Variants in CLDN10 observed in about 807,000 individuals in gnomAD.
CLDN10 encodes claudin 10, also known as claudin-10.
Under a neutral mutation model 22.9 loss-of-function variants are expected in CLDN10, and 15 were observed. The ratio of observed to expected loss-of-function variants is 0.65; its 90% CI spans 0.44 to 1.01. CLDN10 has a LOEUF of 1.01. CLDN10 is among the 50% of genes least tolerant of loss of function. The probability of loss-of-function intolerance (pLI) is 0.00; values close to 1 mark genes in which losing one functional copy is unlikely to be tolerated. For missense variants in CLDN10, 247 were observed against 287.8 expected, an observed-to-expected ratio of 0.86 and a Z score of 1.03; for synonymous variants, 114 against 111.4, an observed-to-expected ratio of 1.02 and a Z score of -0.15.
chr13:95,578,038 CTT>C lies in CLDN10; in HGVS notation c.*25_*26del. The C allele has an allele frequency of 7.1e-7, 1 of 1,406,666 alleles. No homozygotes were observed. The highest frequency in any genetic ancestry group is 1.0e-6 in the Non-Finnish European group (1 of 997,166). 87.1% of individuals were successfully genotyped at this position (1,406,666 alleles called of 1,614,324 possible). A position where few individuals can be genotyped will look rare whatever the true frequency, so the allele number is the denominator to read the frequency against. ...AAAAGAGCTCGCTGGCAAGCTGCCTCTTGAGTTTGTTATAAAAGCGAACTGTT... is the reference window on the plus strand; with the variant it reads ...AAAAGAGCTCGCTGGCAAGCTGCCTCGAGTTTGTTATAAAAGCGAACTGTT... On this transcript the variant is annotated 3_prime_UTR_variant, in exon 5 of 5. Transcript: ENST00000299339.
At chr13:95,471,944 T>A (rs866846776) in intron 1 of CLDN10, among the ~76,000 whole-genome samples, 3,261 of 90,898 alleles carry the variant, frequency 0.036, 56 homozygotes, top group Middle Eastern at 0.047. Flanking sequence ...CTCAGCTATT[T>A]TTTTTTTTTT....
chr13:95,464,340 G>C (rs2042564498), intron 1 of CLDN10, among the ~76,000 whole-genome samples: 1 of 152,066 alleles, frequency 6.6e-6, no homozygotes, highest in Non-Finnish European at 1.5e-5. Context: ...CTATGAGTGA[G>C]AACATGCGGT....
intron 3 of CLDN10, among the ~76,000 whole-genome samples, chr13:95,563,878 G>C (rs1236588677): frequency 6.6e-6 from 1 of 152,236 alleles, no homozygotes; most frequent in Non-Finnish European, 1.5e-5. Context: ...CTGGGAAGAT[G>C]AATAAGCTAT....
intron 1 of CLDN10, among the ~76,000 whole-genome samples, chr13:95,509,489 T>G (rs182458914): frequency 6.6e-6 from 1 of 152,320 alleles, no homozygotes; most frequent in African/African-American, 2.4e-5. Flanking sequence ...CAGCAGTACC[T>G]GCAGGCAGTG....
At chr13:95,557,977 T>C (rs1443090657) in intron 1 of CLDN10, among the ~76,000 whole-genome samples, 1 of 152,196 alleles carries the variant, frequency 6.6e-6, no homozygotes, top group African/African-American at 2.4e-5. Context: ...ACTTGCACTT[T>C]CTGTTAACAA....
intron 1 of CLDN10, among the ~76,000 whole-genome samples, chr13:95,537,321 A>T (rs1456518113): frequency 1.3e-5 from 2 of 152,166 alleles, no homozygotes; most frequent in East Asian, 3.9e-4. Flanking sequence ...CCAGAGCTGG[A>T]AACATTCATA....
chr13:95,465,393 T>A (rs1423391403), intron 1 of CLDN10, among the ~76,000 whole-genome samples: 1 of 152,226 alleles, frequency 6.6e-6, no homozygotes, highest in Non-Finnish European at 1.5e-5. Flanking sequence ...TACTGTGTTT[T>A]AAAACCCTCA....
intron 1 of CLDN10, among the ~76,000 whole-genome samples, chr13:95,553,924 T>C (rs1370165067): frequency 1.3e-5 from 2 of 152,256 alleles, no homozygotes; most frequent in Non-Finnish European, 2.9e-5. Context: ...AAACGAATCC[T>C]GGCAGAAACT....
chr13:95,440,430 C>T (rs2042313699), intron 1 of CLDN10, among the ~76,000 whole-genome samples: 1 of 152,142 alleles, frequency 6.6e-6, no homozygotes, highest in Admixed American at 6.5e-5. Context: ...AGTCCCAGCA[C>T]TTGGGGAGGC....
At chr13:95,446,270 C>G (rs369207308) in intron 1 of CLDN10, among the ~76,000 whole-genome samples, 1 of 152,312 alleles carries the variant, frequency 6.6e-6, no homozygotes. Flanking sequence ...GGCAGTCTCT[C>G]AAGCAGTTTC....
chr13:95,434,478 A>AAC (rs55653913), intron 1 of CLDN10, among the ~76,000 whole-genome samples: 54,151 of 145,398 alleles, frequency 0.37, 10,928 homozygotes, highest in East Asian at 0.71. Flanking sequence ...TACACCCACA[A>AAC]ACACACACAC....
At chr13:95,564,508 A>G (rs996922219) in intron 3 of CLDN10, among the ~76,000 whole-genome samples, 1 of 152,224 alleles carries the variant, frequency 6.6e-6, no homozygotes, top group African/African-American at 2.4e-5. Flanking sequence ...CTTGCTCTCC[A>G]ATACCCAACC....
At chr13:95,480,105 G>T (rs1278770943) in intron 1 of CLDN10, 2 of 152,398 alleles carry the variant, frequency 1.3e-5, no homozygotes, top group African/African-American at 2.4e-5. Flanking sequence ...GCAGGGAAGA[G>T]AAAACTTGTG....
intron 1 of CLDN10, among the ~76,000 whole-genome samples, chr13:95,469,446 T>G (rs993683336): frequency 6.7e-6 from 1 of 149,160 alleles, no homozygotes; most frequent in Non-Finnish European, 1.5e-5. Context: ...TCATGAAGCT[T>G]TTGTCTTTAG....
intron 1 of CLDN10, among the ~76,000 whole-genome samples, chr13:95,499,770 G>A (rs1354468436): frequency 6.6e-6 from 1 of 152,132 alleles, no homozygotes; most frequent in African/African-American, 2.4e-5. Flanking sequence ...CACTGACAAA[G>A]CAAGCCTGAC....
intron 3 of CLDN10, among the ~76,000 whole-genome samples, chr13:95,563,731 G>T (rs747829578): frequency 1.3e-4 from 20 of 152,094 alleles, no homozygotes; most frequent in Admixed American, 5.9e-4. Flanking sequence ...TAGAAAAGGG[G>T]CATAAAAATG....
At chr13:95,537,446 A>C (rs2043412785) in intron 1 of CLDN10, among the ~76,000 whole-genome samples, 1 of 152,182 alleles carries the variant, frequency 6.6e-6, no homozygotes, top group African/African-American at 2.4e-5. Context: ...CTTGAGTCCC[A>C]CCATAATTTG....
chr13:95,489,897 G>A (rs185156581), intron 1 of CLDN10, among the ~76,000 whole-genome samples: 8 of 152,278 alleles, frequency 5.3e-5, no homozygotes, highest in African/African-American at 1.9e-4. Context: ...TTTTGTTTAA[G>A]GTGAGAGATG....
rs1594601002 is a variant in CLDN10, at chr13:95,544,120, T to A, written c.215-16012T>A. On this transcript the variant is annotated intron_variant, in intron 1 of 4. Transcript: ENST00000376873. ...CTATAGTATACCCAGTTCTATAATA[T>A]CTATTATTTAATTTGTTGGATCCTC... Among the ~76,000 whole-genome samples the A allele has an allele frequency of 2.0e-5, 3 of 152,250 alleles. No individual in the cohort carries two copies. In the South Asian group the frequency reaches 6.2e-4, roughly 32 times the overall value.
Sources: allele counts gnomAD v4.1 joint callset (sites outside exome capture counted in the v4.1 genomes callset), GRCh38; gene constraint gnomAD v4.1.1; transcripts MANE v1.5; gene names NCBI Gene and HGNC (gene_info 2026-07-23, HGNC 2026-07-21).